HS6ST3: variants seen among roughly 807,000 people sequenced by gnomAD.
The protein encoded by HS6ST3 is heparan-sulfate 6-O-sulfotransferase 3.
HS6ST3 carries 12 observed loss-of-function variants against 36.7 expected under a neutral mutation model. That is an observed-to-expected ratio of 0.33 (90% CI 0.21 to 0.53). The LOEUF is 0.53. Among genes scored for constraint, HS6ST3 ranks in the 20% least tolerant of loss-of-function variants. HS6ST3 has a pLI of 0.95. For missense variants in HS6ST3, 584 were observed against 640.9 expected (o/e 0.91, Z 0.96); for synonymous variants, 240 against 257.5 (o/e 0.93, Z 0.65).
At chr13:96,570,744 G>A (rs1186968584) in intron 1 of HS6ST3, among the ~76,000 whole-genome samples, 2 of 152,114 alleles carry the variant, frequency 1.3e-5, no homozygotes, top group Non-Finnish European at 2.9e-5. Context: ...AATATGACAA[G>A]GAATAACACA....
intron 1 of HS6ST3, among the ~76,000 whole-genome samples, chr13:96,127,723 A>T (rs1474544079): frequency 6.6e-6 from 1 of 152,168 alleles, no homozygotes; most frequent in Non-Finnish European, 1.5e-5. Flanking sequence ...TTATTTAGAT[A>T]TATGTCCTTA....
intron 1 of HS6ST3, among the ~76,000 whole-genome samples, chr13:96,454,224 T>C (rs1481608030): frequency 1.3e-5 from 2 of 152,142 alleles, no homozygotes; most frequent in East Asian, 3.9e-4. Context: ...TATTAGGAAC[T>C]GAATGTGCCT....
Position 96,309,603 on chromosome 13 carries a change from A to G in HS6ST3, c.707+218034A>G, listed in dbSNP as rs145247750. On this transcript the variant is annotated intron_variant, in intron 1 of 1. Coordinates refer to ENST00000376705, the MANE Select transcript of HS6ST3 (RefSeq NM_153456.4). ...ATGTTGCTTGCATGTGCATTTTTCC[A>G]GAGAGAGAGAATCAAAGCTTTTAAT... 7.2e-4 allele frequency among the ~76,000 whole-genome samples: 110 copies of G among 152,230 alleles called. 2 individuals are homozygous for G. The highest frequency in any genetic ancestry group is 2.5e-3 in the African/African-American group (105 of 41,552).
At chr13:96,660,012 C>T (rs1199045082) in intron 1 of HS6ST3, among the ~76,000 whole-genome samples, 2 of 152,070 alleles carry the variant, frequency 1.3e-5, no homozygotes, top group Non-Finnish European at 2.9e-5. Context: ...CTAATATTTA[C>T]TTAATCCTTT....
At chr13:96,615,105 A>G (rs1017148859) in intron 1 of HS6ST3, among the ~76,000 whole-genome samples, 1 of 152,188 alleles carries the variant, frequency 6.6e-6, no homozygotes, top group Non-Finnish European at 1.5e-5. Context: ...TTATATTAGT[A>G]TTAGATTGGT....
chr13:96,658,311 C>G (rs915495094), intron 1 of HS6ST3, among the ~76,000 whole-genome samples: 19 of 73,160 alleles, frequency 2.6e-4, no homozygotes, highest in African/African-American at 1.0e-3. Context: ...GATGGCGTCT[C>G]ACTCTGTTAC....
In HS6ST3 at chr13:96,536,547, G is replaced by A. The variant is rs140095252; in HGVS notation, c.708-295943G>A. Among the ~76,000 whole-genome samples, 164 of 152,310 alleles carry A rather than the reference G, an allele frequency of 1.1e-3. 1 individual carries two copies. The highest frequency in any genetic ancestry group is 3.9e-3 in the South Asian group (19 of 4,828). ...ATAAAGGGCAGTTTTAGCTGGGAGC[G>A]TTCGTTTCTTTGTAGACAGTTGGAG... On this transcript the variant is annotated intron_variant, in intron 1 of 1. Coordinates refer to ENST00000376705, the MANE Select transcript of HS6ST3 (RefSeq NM_153456.4).
chr13:96,372,432 TC>T (rs2055294363), intron 1 of HS6ST3, among the ~76,000 whole-genome samples: 1 of 152,200 alleles, frequency 6.6e-6, no homozygotes, highest in Admixed American at 6.5e-5. Flanking sequence ...CCTTGGGTTC[TC>T]TTTTTATTTT....
chr13:96,514,237 G>A (rs985177018), intron 1 of HS6ST3, among the ~76,000 whole-genome samples: 1 of 152,160 alleles, frequency 6.6e-6, no homozygotes, highest in Admixed American at 6.6e-5. Context: ...GTAGGTTGAT[G>A]GAAGTAGAGC....
At chr13:96,099,062 G>GCCTC (rs2053805542) in intron 1 of HS6ST3, among the ~76,000 whole-genome samples, 1 of 152,060 alleles carries the variant, frequency 6.6e-6, no homozygotes, top group Non-Finnish European at 1.5e-5. Context: ...TCCTGCCTCA[G>GCCTC]CCTCCCGAGT....
intron 1 of HS6ST3, among the ~76,000 whole-genome samples, chr13:96,216,666 G>A (rs1220718576): frequency 5.3e-5 from 8 of 152,088 alleles, no homozygotes; most frequent in Admixed American, 6.6e-5. Flanking sequence ...GAAGTGGTTG[G>A]GGTGTAGGCA....
At chr13:96,476,683 G>A (rs1479455451) in intron 1 of HS6ST3, among the ~76,000 whole-genome samples, 4 of 152,176 alleles carry the variant, frequency 2.6e-5, no homozygotes, top group Non-Finnish European at 5.9e-5. Flanking sequence ...TACCTGCAGT[G>A]ACATTAGATC....
At chr13:96,132,240 C>T (rs746704173) in intron 1 of HS6ST3, among the ~76,000 whole-genome samples, 14 of 150,562 alleles carry the variant, frequency 9.3e-5, no homozygotes, top group Admixed American at 3.3e-4. Flanking sequence ...TTAGCTATTA[C>T]GAATAGTTCT....
intron 1 of HS6ST3, among the ~76,000 whole-genome samples, chr13:96,354,528 A>T (rs934621571): frequency 6.6e-6 from 1 of 152,102 alleles, no homozygotes; most frequent in Non-Finnish European, 1.5e-5. Flanking sequence ...AAAATCTGTG[A>T]TAGGGTTTGT....
At chr13:96,753,662 T>C (rs1470685476) in intron 1 of HS6ST3, among the ~76,000 whole-genome samples, 1 of 152,182 alleles carries the variant, frequency 6.6e-6, no homozygotes, top group Non-Finnish European at 1.5e-5. Flanking sequence ...TGGTTGTTTT[T>C]TCTGTTCCAG....
chr13:96,239,838 A>T (rs9525165), intron 1 of HS6ST3, among the ~76,000 whole-genome samples: 53,786 of 152,010 alleles, frequency 0.35, 10,776 homozygotes, highest in Non-Finnish European at 0.46. Flanking sequence ...GACTGATGTG[A>T]TTCTATCTAA....
chr13:96,802,214 C>T (rs1441841365), intron 1 of HS6ST3, among the ~76,000 whole-genome samples: 2 of 152,142 alleles, frequency 1.3e-5, no homozygotes, highest in Admixed American at 1.3e-4. Flanking sequence ...TGTTAACGGC[C>T]TAGACCTATC....
intron 1 of HS6ST3, among the ~76,000 whole-genome samples, chr13:96,522,770 T>C (rs1272698217): frequency 6.6e-6 from 1 of 152,174 alleles, no homozygotes; most frequent in East Asian, 1.9e-4. Flanking sequence ...GCACATGAGA[T>C]AGGTCCCCTG....
In HS6ST3 at chr13:96,353,454, A is replaced by G. The variant is rs143929794; in HGVS notation, c.707+261885A>G. ...GGCCACCTGGCTAACCATTTGGGGAAAATTAAGCTAGAGTCAATCATTCTT... is the reference window on the plus strand; with the variant it reads ...GGCCACCTGGCTAACCATTTGGGGAGAATTAAGCTAGAGTCAATCATTCTT... On this transcript the variant is annotated intron_variant, in intron 1 of 1. Coordinates refer to ENST00000376705, the MANE Select transcript of HS6ST3 (RefSeq NM_153456.4). Among the ~76,000 whole-genome samples the G allele has an allele frequency of 2.2e-3, 330 of 152,020 alleles. 5 individuals are homozygous for G. Among genetic ancestry groups the G allele is most frequent in the Middle Eastern group, 0.02 (6 of 294 alleles).
Sources: gnomAD v4.1 joint callset for allele counts (sites outside exome capture counted in the v4.1 genomes callset) on GRCh38, gnomAD v4.1.1 for gene constraint, MANE v1.5 for transcripts, NCBI Gene and HGNC (gene_info 2026-07-23, HGNC 2026-07-21) for gene names.